The following INPP4B variants were observed in gnomAD, a reference collection of about 807,000 sequenced individuals.
The protein encoded by INPP4B is inositol polyphosphate-4-phosphatase type II B.
INPP4B carries 55 observed loss-of-function variants against 122.5 expected under a neutral mutation model. The observed-to-expected ratio is 0.45, with a 90% CI of 0.36 to 0.56. The LOEUF is 0.56. INPP4B is among the 20% of genes least tolerant of loss of function. INPP4B has a pLI of 0.00. For synonymous variants in INPP4B, 403 were observed against 388.7 expected, an observed-to-expected ratio of 1.04 and a Z score of -0.43; for missense variants, 1,000 against 1,097.7, an observed-to-expected ratio of 0.91 and a Z score of 1.26.
At chr4:142,146,088 G>A (rs1810555423) in intron 17 of INPP4B, 92 bp from the exon 18 acceptor site, 5 of 1,406,456 alleles carry the variant, frequency 3.6e-6, no homozygotes, top group South Asian at 1.4e-5. Context: ...GCATTTGGAA[G>A]GGTAGTCATT....
intron 2 of INPP4B, among the ~76,000 whole-genome samples, chr4:142,567,098 G>A (rs944734138): frequency 6.6e-6 from 1 of 152,052 alleles, no homozygotes; most frequent in Non-Finnish European, 1.5e-5. Context: ...GAAAGACATT[G>A]GTATAATTAA....
intron 3 of INPP4B, among the ~76,000 whole-genome samples, chr4:142,447,114 G>A (rs543972799): frequency 9.2e-5 from 14 of 152,262 alleles, no homozygotes; most frequent in Non-Finnish European, 1.6e-4. Context: ...GAAGCAGTGC[G>A]GTAGGAGCAG....
intron 5 of INPP4B, among the ~76,000 whole-genome samples, chr4:142,412,919 T>C (rs929946973): frequency 3.9e-4 from 59 of 152,168 alleles, no homozygotes; most frequent in Admixed American, 5.9e-4. Flanking sequence ...TTATAAGACT[T>C]GGGACTCTAG....
chr4:142,742,098 G>T (rs1215967568), intron 1 of INPP4B, among the ~76,000 whole-genome samples: 2 of 151,868 alleles, frequency 1.3e-5, no homozygotes, highest in Non-Finnish European at 2.9e-5. Context: ...GACTCTTGGT[G>T]CCCTACCCAG....
intron 25 of INPP4B, among the ~76,000 whole-genome samples, chr4:142,055,142 A>C (rs905475605): frequency 6.6e-6 from 1 of 152,122 alleles, no homozygotes; most frequent in Admixed American, 6.6e-5. Flanking sequence ...ATAATTCCAA[A>C]GTAATACTAA....
At chr4:142,302,633 A>C (rs1434602934) in intron 9 of INPP4B, among the ~76,000 whole-genome samples, 1 of 152,150 alleles carries the variant, frequency 6.6e-6, no homozygotes, top group East Asian at 1.9e-4. Context: ...CACAAAGCAC[A>C]TGGTTGGTTA....
intron 5 of INPP4B, among the ~76,000 whole-genome samples, chr4:142,407,768 C>T (rs1803748961): frequency 1.3e-5 from 2 of 152,192 alleles, no homozygotes; most frequent in Non-Finnish European, 1.5e-5. Flanking sequence ...TCCCAGATTT[C>T]CTGCTTTCTA....
chr4:142,771,815 T>C (rs1773119227), intron 1 of INPP4B, among the ~76,000 whole-genome samples: 1 of 152,162 alleles, frequency 6.6e-6, no homozygotes, highest in Admixed American at 6.5e-5. Flanking sequence ...CAGTTTTTAA[T>C]GTAATTTTTT....
intron 10 of INPP4B, among the ~76,000 whole-genome samples, chr4:142,264,731 T>C (rs948111376): frequency 6.6e-6 from 1 of 152,248 alleles, no homozygotes; most frequent in East Asian, 1.9e-4. Context: ...TGTAGTATTT[T>C]ATATAAAGGT....
intron 9 of INPP4B, among the ~76,000 whole-genome samples, chr4:142,303,326 A>C (rs1762200763): frequency 6.6e-6 from 1 of 152,154 alleles, no homozygotes; most frequent in South Asian, 2.1e-4. Flanking sequence ...ACCATGAAGA[A>C]AAGGAAATTT....
chr4:142,609,936 G>A (rs1445114530), intron 2 of INPP4B, among the ~76,000 whole-genome samples: 1 of 152,160 alleles, frequency 6.6e-6, no homozygotes, highest in Non-Finnish European at 1.5e-5. Flanking sequence ...TGATGGATAT[G>A]TATAATTTGC....
intron 25 of INPP4B, among the ~76,000 whole-genome samples, chr4:142,070,915 G>T (rs1397058273): frequency 6.6e-6 from 1 of 152,056 alleles, no homozygotes; most frequent in African/African-American, 2.4e-5. Flanking sequence ...TACTGCCCAA[G>T]GTAATTTACA....
Position 142,405,337 on chromosome 4 carries a change from G to C in INPP4B, c.137-13C>G. On this transcript the variant is annotated splice_polypyrimidine_tract_variant and intron_variant, in intron 5 of 25. Transcript: ENST00000262992. Reference sequence around the variant, plus strand: ...AGATCCTTGCATGCTGGCAACGGCAGAGGAGACAGAAAGAAAAGAAACTAA... The same window carrying C: ...AGATCCTTGCATGCTGGCAACGGCACAGGAGACAGAAAGAAAAGAAACTAA... 2 of 1,484,556 alleles carry C rather than the reference G, an allele frequency of 1.3e-6. No homozygotes were observed. The highest frequency in any genetic ancestry group is 1.9e-6 in the Non-Finnish European group (2 of 1,063,018). 92.0% of individuals were successfully genotyped at this position (1,484,556 alleles called of 1,614,324 possible).
intron 2 of INPP4B, among the ~76,000 whole-genome samples, chr4:142,574,672 T>C (rs1733484522): frequency 6.6e-6 from 1 of 152,112 alleles, no homozygotes; most frequent in Non-Finnish European, 1.5e-5. Context: ...AAATATCTTC[T>C]CCTCAATAAA....
chr4:142,354,281 T>C (rs959845938), intron 7 of INPP4B, among the ~76,000 whole-genome samples: 1 of 151,988 alleles, frequency 6.6e-6, no homozygotes, highest in Non-Finnish European at 1.5e-5. Flanking sequence ...AAAAATTCAG[T>C]AGAAGCACAG....
Position 142,298,099 on chromosome 4 carries a change from A to AAAAC in INPP4B, c.503+7355_503+7358dup, listed in dbSNP as rs149202589. 5.9e-3 allele frequency among the ~76,000 whole-genome samples: 900 copies of AAAAC among 152,114 alleles called. 10 individuals are homozygous for AAAAC. The highest frequency in any genetic ancestry group is 0.018 in the African/African-American group (741 of 41,482). On this transcript the variant is annotated intron_variant, in intron 9 of 25. Transcript: ENST00000262992. ...TACCTCACATGCCTTCCTAAGGCAA[A>AAAAC]AAACAAACAAACAAACAAACAAACA...
chr4:142,206,225 G>GCCT (rs1289648474), intron 14 of INPP4B, among the ~76,000 whole-genome samples: 1 of 151,988 alleles, frequency 6.6e-6, no homozygotes, highest in Non-Finnish European at 1.5e-5. Context: ...TGATCCAAAT[G>GCCT]CCTCCCCTTA....
intron 13 of INPP4B, 96 bp downstream of exon 13, chr4:142,208,800 C>G: frequency 1.1e-6 from 1 of 947,140 alleles, no homozygotes. Flanking sequence ...ATCTCCAGTT[C>G]TCCTATCTAC....
intron 2 of INPP4B, among the ~76,000 whole-genome samples, chr4:142,639,493 A>G (rs1749907113): frequency 6.6e-6 from 1 of 152,106 alleles, no homozygotes; most frequent in African/African-American, 2.4e-5. Context: ...GGTCCTTTTC[A>G]TCTAGGTTAT....
Sources: gnomAD v4.1 joint callset for allele counts (sites outside exome capture counted in the v4.1 genomes callset) on GRCh38, gnomAD v4.1.1 for gene constraint, MANE v1.5 for transcripts, NCBI Gene and HGNC (gene_info 2026-07-23, HGNC 2026-07-21) for gene names.